Variants in CAMK4 observed in about 807,000 individuals in gnomAD.
CAMK4 encodes calcium/calmodulin-dependent protein kinase type IV.
CAMK4 carries 22 observed loss-of-function variants against 44.9 expected under a neutral mutation model. The observed-to-expected ratio is 0.49, with a 90% confidence interval of 0.35 to 0.70. The LOEUF (loss-of-function observed/expected upper bound fraction) is 0.70, where lower values mean the gene tolerates loss of function less well. Ranked by LOEUF, CAMK4 falls within the 30% of genes least tolerant of loss-of-function variation. The pLI, the probability that CAMK4 is intolerant of heterozygous loss-of-function variation, is 0.01. For synonymous variants in CAMK4, 218 were observed against 215.4 expected, an observed-to-expected ratio of 1.01 and a Z score of -0.11; for missense variants, 498 against 586.8, an observed-to-expected ratio of 0.85 and a Z score of 1.56.
intron 7 of CAMK4, among the ~76,000 whole-genome samples, chr5:111,453,846 G>C (rs909744330): frequency 2.0e-5 from 3 of 152,256 alleles, no homozygotes; most frequent in Admixed American, 1.3e-4. Flanking sequence ...GGATTGCCTA[G>C]TTTGAATAAT....
At chr5:111,331,551 C>T (rs942708319) in intron 1 of CAMK4, among the ~76,000 whole-genome samples, 10 of 151,646 alleles carry the variant, frequency 6.6e-5, no homozygotes, top group Non-Finnish European at 1.3e-4. Flanking sequence ...CATTGAGGCT[C>T]GAGTAAGATC....
At chr5:111,231,964 T>C (rs1263308523) in intron 1 of CAMK4, among the ~76,000 whole-genome samples, 1 of 152,224 alleles carries the variant, frequency 6.6e-6, no homozygotes, top group African/African-American at 2.4e-5. Context: ...GTAGCACAAA[T>C]TGAAGTTTTC....
At chr5:111,300,451 C>T (rs1189404405) in intron 1 of CAMK4, among the ~76,000 whole-genome samples, 1 of 152,136 alleles carries the variant, frequency 6.6e-6, no homozygotes, top group Non-Finnish European at 1.5e-5. Context: ...AATGAAGTCA[C>T]TGATGAAAAG....
intron 5 of CAMK4, among the ~76,000 whole-genome samples, chr5:111,413,576 CAA>C (rs34333932): frequency 0.017 from 2,211 of 133,314 alleles, 37 homozygotes; most frequent in African/African-American, 0.055. Flanking sequence ...CACTCCATCT[CAA>C]AAAAAAAAAA....
chr5:111,487,665 T>C lies in CAMK4; in HGVS notation c.*3199T>C, dbSNP rs1755681271. The C allele has an allele frequency of 6.6e-6, 1 of 152,200 alleles. No homozygotes were observed. Among genetic ancestry groups the C allele is most frequent in the African/African-American group, 2.4e-5 (1 of 41,454 alleles). 9.4% of individuals were successfully genotyped at this position (152,200 alleles called of 1,614,324 possible). A position where few individuals can be genotyped will look rare whatever the true frequency, so the allele number is the denominator to read the frequency against. ...TTTGAATTCTTTATTTTTATACTGT[T>C]TTCAAAATCAAGAGTGTATGTTAGG... On this transcript the variant is annotated 3_prime_UTR_variant, in exon 11 of 11. Coordinates refer to ENST00000282356, the MANE Select transcript of CAMK4 (RefSeq NM_001744.6).
intron 4 of CAMK4, among the ~76,000 whole-genome samples, chr5:111,390,995 C>T (rs1312695491): frequency 6.6e-6 from 1 of 152,102 alleles, no homozygotes; most frequent in African/African-American, 2.4e-5. Flanking sequence ...TAGGTCAATA[C>T]AAAAAGAGAA....
chr5:111,291,001 A>G (rs146134081), intron 1 of CAMK4, among the ~76,000 whole-genome samples: 13 of 152,346 alleles, frequency 8.5e-5, no homozygotes, highest in African/African-American at 1.2e-4. Flanking sequence ...CTCAGAATCA[A>G]TGTTCTTGTG....
At chr5:111,403,658 A>G (rs1752312194) in intron 5 of CAMK4, among the ~76,000 whole-genome samples, 1 of 152,184 alleles carries the variant, frequency 6.6e-6, no homozygotes, top group Non-Finnish European at 1.5e-5. Context: ...TAGGGGCCCA[A>G]TCAGAGCATA....
intron 1 of CAMK4, among the ~76,000 whole-genome samples, chr5:111,321,659 T>G (rs558545852): frequency 6.6e-6 from 1 of 152,228 alleles, no homozygotes; most frequent in South Asian, 2.1e-4. Context: ...GGGTAGTTAT[T>G]TTGTCCTAAA....
At chr5:111,266,888 T>C (rs1750270899) in intron 1 of CAMK4, among the ~76,000 whole-genome samples, 1 of 152,238 alleles carries the variant, frequency 6.6e-6, no homozygotes, top group Admixed American at 6.5e-5. Context: ...CTGTTCTCCA[T>C]TGGTTTCTAT....
At chr5:111,308,741 G>A (rs58951777) in intron 1 of CAMK4, among the ~76,000 whole-genome samples, 1 of 152,060 alleles carries the variant, frequency 6.6e-6, no homozygotes, top group Non-Finnish European at 1.5e-5. Flanking sequence ...TATTACCGGA[G>A]CTTTAGCCCT....
At chr5:111,407,731 A>G (rs1340994302) in intron 5 of CAMK4, among the ~76,000 whole-genome samples, 1 of 152,196 alleles carries the variant, frequency 6.6e-6, no homozygotes, top group Non-Finnish European at 1.5e-5. Flanking sequence ...TCTGCCACCC[A>G]CAATGGCCTC....
intron 7 of CAMK4, among the ~76,000 whole-genome samples, chr5:111,466,940 T>C (rs1754856510): frequency 6.6e-6 from 1 of 152,050 alleles, no homozygotes; most frequent in South Asian, 2.1e-4. Flanking sequence ...TCTGACTTTA[T>C]ACTGTAAGGC....
chr5:111,447,776 A>G (rs572192392), intron 6 of CAMK4, among the ~76,000 whole-genome samples: 2 of 152,262 alleles, frequency 1.3e-5, no homozygotes, highest in Non-Finnish European at 2.9e-5. Flanking sequence ...ATATCAGGGA[A>G]GAGCTCAGAT....
At position 111,438,441 on chromosome 5, in the gene CAMK4, C is replaced by T. The variant is rs1025992267; in HGVS notation, c.460-8245C>T. ...CATATTCAAATCACATCATTTGTAG[C>T]AAACATGTGGTATTCAGGATTAACA... On this transcript the variant is annotated intron_variant, in intron 5 of 10. Coordinates refer to ENST00000282356, the MANE Select transcript of CAMK4 (RefSeq NM_001744.6). 2.0e-5 allele frequency among the ~76,000 whole-genome samples: 3 copies of T among 152,206 alleles called. No individual in the cohort carries two copies. In the South Asian group the frequency reaches 6.2e-4, roughly 32 times the overall value.
chr5:111,448,373 T>C (rs1292160395), intron 6 of CAMK4, among the ~76,000 whole-genome samples: 1 of 152,090 alleles, frequency 6.6e-6, no homozygotes, highest in Non-Finnish European at 1.5e-5. Context: ...TGAAAGTCTA[T>C]TTTTTTTCTC....
intron 5 of CAMK4, among the ~76,000 whole-genome samples, chr5:111,413,844 C>A (rs1752716320): frequency 6.6e-6 from 1 of 151,624 alleles, no homozygotes; most frequent in Non-Finnish European, 1.5e-5. Context: ...CTAGAGAAAG[C>A]AAGGGCAAAA....
chr5:111,232,227 A>C (rs1394801645), intron 1 of CAMK4, among the ~76,000 whole-genome samples: 2 of 152,194 alleles, frequency 1.3e-5, no homozygotes, highest in African/African-American at 4.8e-5. Context: ...GGTACTACTA[A>C]TAAGGCACCA....
chr5:111,462,818 A>G (rs1259128451), intron 7 of CAMK4, among the ~76,000 whole-genome samples: 1 of 152,212 alleles, frequency 6.6e-6, no homozygotes, highest in Non-Finnish European at 1.5e-5. Flanking sequence ...AACTAGTTAC[A>G]ATGATTTTAT....
Sources: gnomAD v4.1 joint callset for allele counts (sites outside exome capture counted in the v4.1 genomes callset) on GRCh38, gnomAD v4.1.1 for gene constraint, MANE v1.5 for transcripts, NCBI Gene and HGNC (gene_info 2026-07-23, HGNC 2026-07-21) for gene names.